MRPL1: variants seen among roughly 807,000 people sequenced by gnomAD.
MRPL1 encodes large ribosomal subunit protein uL1m.
A neutral mutation model predicts 38.0 loss-of-function variants in MRPL1; 28 were observed. The observed-to-expected ratio is 0.74, with a 90% CI of 0.55 to 1.01. MRPL1 has a LOEUF of 1.01. Among genes scored for constraint, MRPL1 ranks in the 50% least tolerant of loss-of-function variants. The pLI, the probability that MRPL1 is intolerant of heterozygous loss-of-function variation, is 0.00. For missense variants in MRPL1, 358 were observed against 389.8 expected, an observed-to-expected ratio of 0.92 and a Z score of 0.69; for synonymous variants, 123 against 126.7, an observed-to-expected ratio of 0.97 and a Z score of 0.20.
In MRPL1 at chr4:77,930,065, C is replaced by G. The variant is rs545954190; in HGVS notation, c.778-19732C>G. On this transcript the variant is annotated intron_variant, in intron 7 of 8. Transcript: ENST00000315567. Reference sequence around the variant, plus strand: ...AGAAGACCAGATTTCGAAGTACCATCAAACTAGTGGCAAGTTTGCCATTTG... The same window carrying G: ...AGAAGACCAGATTTCGAAGTACCATGAAACTAGTGGCAAGTTTGCCATTTG... 2.2e-4 allele frequency among the ~76,000 whole-genome samples: 33 copies of G among 152,302 alleles called. No homozygotes were observed. The East Asian group carries it at 6.4e-3, about 29-fold the overall frequency.
chr4:77,898,585 G>A (rs1263241765), intron 6 of MRPL1, among the ~76,000 whole-genome samples: 1 of 151,836 alleles, frequency 6.6e-6, no homozygotes, highest in South Asian at 2.1e-4. Context: ...CCCCTTCCCG[G>A]GTTCATACAA....
intron 7 of MRPL1, among the ~76,000 whole-genome samples, chr4:77,944,513 A>G (rs1423275369): frequency 6.6e-6 from 1 of 152,096 alleles, no homozygotes; most frequent in East Asian, 1.9e-4. Context: ...CTTCGTTCAT[A>G]TAAAGTGGTA....
At chr4:77,940,814 T>G (rs946921043) in intron 7 of MRPL1, among the ~76,000 whole-genome samples, 8 of 152,350 alleles carry the variant, frequency 5.3e-5, no homozygotes, top group Admixed American at 1.3e-4. Flanking sequence ...ATGTGATTTT[T>G]GTTTTTAATT....
chr4:77,863,137 G>A (rs1735042369), intron 1 of MRPL1: 4 of 542,834 alleles, frequency 7.4e-6, no homozygotes, highest in Non-Finnish European at 1.3e-5. Flanking sequence ...CTATGGGCAT[G>A]GCAAGGACTG....
intron 3 of MRPL1, 48 bp from the exon 4 acceptor site, chr4:77,885,208 T>C (rs1176144069): frequency 7.3e-7 from 1 of 1,363,750 alleles, no homozygotes; most frequent in Non-Finnish European, 1.1e-6. Flanking sequence ...GTGTGTGAAA[T>C]AGAAAAGATT....
intron 7 of MRPL1, among the ~76,000 whole-genome samples, chr4:77,938,424 C>A (rs1478700187): frequency 6.6e-6 from 1 of 152,168 alleles, no homozygotes; most frequent in African/African-American, 2.4e-5. Context: ...ACCTTTAAAT[C>A]CCTTTGCAAC....
chr4:77,905,619 C>T (rs962079944), intron 6 of MRPL1, among the ~76,000 whole-genome samples: 5 of 151,114 alleles, frequency 3.3e-5, no homozygotes, highest in Non-Finnish European at 7.4e-5. Context: ...TATACAAGGT[C>T]AAAGGAAGGA....
At position 77,887,217 on chromosome 4, in the gene MRPL1, T is replaced by C; in HGVS notation, c.487-3T>C. On this transcript the variant is annotated splice_polypyrimidine_tract_variant and splice_region_variant and intron_variant, in intron 4 of 8. Coordinates refer to ENST00000315567, the MANE Select transcript of MRPL1 (RefSeq NM_020236.4). ...TGATTTTCAAATTATTGTGTTTTGG[T>C]AGAATGCATCAGAGGTCAAAATAGC... 1.2e-6 allele frequency: 2 copies of C among 1,610,502 alleles called. No homozygotes were observed. The highest frequency in any genetic ancestry group is 1.7e-6 in the Non-Finnish European group (2 of 1,176,712).
chr4:77,896,624 T>C (rs1257703695), intron 6 of MRPL1, among the ~76,000 whole-genome samples: 5 of 152,202 alleles, frequency 3.3e-5, no homozygotes, highest in East Asian at 1.9e-4. Flanking sequence ...CAAAAGTCTT[T>C]AGTGTAAAAT....
At chr4:77,876,150 T>A (rs562238005) in intron 2 of MRPL1, among the ~76,000 whole-genome samples, 2 of 152,194 alleles carry the variant, frequency 1.3e-5, no homozygotes, top group African/African-American at 4.8e-5. Flanking sequence ...TTTTTGTAGT[T>A]TTGGCAGAGA....
At chr4:77,938,018 A>G (rs1184155444) in intron 7 of MRPL1, among the ~76,000 whole-genome samples, 1 of 152,258 alleles carries the variant, frequency 6.6e-6, no homozygotes, top group Non-Finnish European at 1.5e-5. Context: ...TACTTCTGCT[A>G]TAGCAAAAAC....
intron 2 of MRPL1, among the ~76,000 whole-genome samples, chr4:77,876,220 G>A (rs372779661): frequency 3.3e-5 from 5 of 152,086 alleles, no homozygotes; most frequent in African/African-American, 9.7e-5. Flanking sequence ...TGATCTGCCC[G>A]CCTCAGCCTC....
At chr4:77,927,839 A>G (rs1445413023) in intron 7 of MRPL1, among the ~76,000 whole-genome samples, 1 of 152,200 alleles carries the variant, frequency 6.6e-6, no homozygotes, top group Non-Finnish European at 1.5e-5. Flanking sequence ...CATGTAAATA[A>G]TAATGCTATT....
intron 1 of MRPL1, among the ~76,000 whole-genome samples, chr4:77,866,290 G>A (rs1735140688): frequency 6.6e-6 from 1 of 152,148 alleles, no homozygotes; most frequent in African/African-American, 2.4e-5. Context: ...GACCTCAGGT[G>A]ATCCACCCGC....
At chr4:77,943,953 T>G (rs959415963) in intron 7 of MRPL1, among the ~76,000 whole-genome samples, 1 of 152,220 alleles carries the variant, frequency 6.6e-6, no homozygotes, top group Non-Finnish European at 1.5e-5. Context: ...GGGGGATGTT[T>G]AAGAACTTTG....
Position 77,894,136 on chromosome 4 carries a change from C to A in MRPL1, c.559-3C>A. The A allele has an allele frequency of 6.5e-7, 1 of 1,535,430 alleles. No homozygotes were observed. Among genetic ancestry groups the A allele is most frequent in the Non-Finnish European group, 8.8e-7 (1 of 1,130,520 alleles). On this transcript the variant is annotated splice_region_variant and splice_polypyrimidine_tract_variant and intron_variant, in intron 5 of 8. Transcript: ENST00000315567. ...AGGTCACCTTTTTTTTTTTAATTTTCAGATTTGGGATGATGAAATTGTTGC... is the reference window on the plus strand; with the variant it reads ...AGGTCACCTTTTTTTTTTTAATTTTAAGATTTGGGATGATGAAATTGTTGC...
intron 6 of MRPL1, among the ~76,000 whole-genome samples, chr4:77,905,685 AATCT>A (rs1736142414): frequency 6.6e-6 from 1 of 152,066 alleles, no homozygotes; most frequent in Non-Finnish European, 1.5e-5. Flanking sequence ...CTACATCATC[AATCT>A]ATCACCTTTT....
chr4:77,896,421 T>A (rs778884552), intron 6 of MRPL1, among the ~76,000 whole-genome samples: 1 of 152,174 alleles, frequency 6.6e-6, no homozygotes, highest in Non-Finnish European at 1.5e-5. Flanking sequence ...GACACCTTCT[T>A]TTCACCCCAA....
Position 77,883,464 on chromosome 4 carries a change from T to A in MRPL1, c.366T>A (p.Tyr122Ter). 1 of 1,613,764 alleles carries A rather than the reference T, an allele frequency of 6.2e-7. No individual in the cohort carries two copies. Among genetic ancestry groups the A allele is most frequent in the Non-Finnish European group, 8.5e-7 (1 of 1,179,844 alleles). Residue 122 changes from tyrosine to a stop codon, truncating the protein, a stop_gained, in exon 3 of 9, where the codon TAT becomes TAA. Transcript: ENST00000315567. LOFTEE classifies it high-confidence loss of function. ...LDFTSPKQSV[Y>*]LDLTLDMALG... Reference sequence around the variant, plus strand: ...TTACTAGTCCAAAGCAAAGTGTTTATCTTGATTTGACACTGGATATGGCAC... The same window carrying A: ...TTACTAGTCCAAAGCAAAGTGTTTAACTTGATTTGACACTGGATATGGCAC...
Sources: allele counts gnomAD v4.1 joint callset (sites outside exome capture counted in the v4.1 genomes callset), GRCh38; gene constraint gnomAD v4.1.1; transcripts MANE v1.5; gene names NCBI Gene and HGNC (gene_info 2026-07-23, HGNC 2026-07-21).